Variants in PCDHGA11 observed in about 807,000 individuals in gnomAD.
The protein encoded by PCDHGA11 is protocadherin gamma subfamily A, 11.
PCDHGA11 carries 39 observed loss-of-function variants against 60.4 expected under a neutral mutation model. That is an observed-to-expected ratio of 0.65 (90% confidence interval 0.50 to 0.84). The LOEUF (loss-of-function observed/expected upper bound fraction) is 0.84. Ranked by LOEUF, PCDHGA11 falls within the 40% of genes least tolerant of loss-of-function variation. PCDHGA11 has a pLI of 0.00. For synonymous variants in PCDHGA11, 533 were observed against 510.3 expected, an observed-to-expected ratio of 1.04 and a Z score of -0.60; for missense variants, 1,165 against 1,197.7, an observed-to-expected ratio of 0.97 and a Z score of 0.40.
In PCDHGA11 at chr5:141,512,223, C is replaced by G. The variant is rs1321595614; in HGVS notation, c.*1050C>G. 6.5e-6 allele frequency: 1 copy of G among 152,728 alleles called. No individual in the cohort carries two copies. The highest frequency in any genetic ancestry group is 1.5e-5 in the Non-Finnish European group (1 of 68,110). 9.5% of individuals were successfully genotyped at this position (152,728 alleles called of 1,614,324 possible). ...CTCGAAGCAGGTTTAGGACCAGGTC[C>G]CCTTGAGAGGTCAGAGGGGCCTCTG... On this transcript the variant is annotated 3_prime_UTR_variant, in exon 4 of 4. Transcript: ENST00000398587.
At chr5:141,478,629 T>A in intron 1 of PCDHGA11, 1 of 1,553,688 alleles carries the variant, frequency 6.4e-7, no homozygotes, top group Non-Finnish European at 8.7e-7. Context: ...AGCTGTTTTT[T>A]TAGTGATGAA....
intron 1 of PCDHGA11, among the ~76,000 whole-genome samples, chr5:141,435,732 C>T (rs2097777160): frequency 6.6e-6 from 1 of 152,150 alleles, no homozygotes; most frequent in South Asian, 2.1e-4. Flanking sequence ...AAGTGTATTA[C>T]TCTTTGAAAA....
In PCDHGA11 at chr5:141,506,418, G is replaced by A. The variant is rs2099853241; in HGVS notation, c.2581+937G>A. Among the ~76,000 whole-genome samples, 3 of 141,160 alleles carry A rather than the reference G, an allele frequency of 2.1e-5. No homozygotes were observed. The South Asian group carries it at 6.6e-4, about 31-fold the overall frequency. 92.6% of individuals were successfully genotyped at this position (141,160 alleles called of 152,430 possible). The stretch of plus-strand genomic sequence containing the variant: ...CAGAAAATCGCACCACTGCACTCCA[G>A]CCTGGGCAACAGTCTCGCTCTGTCT... On this transcript the variant is annotated intron_variant, in intron 3 of 3. Coordinates refer to ENST00000398587, the MANE Select transcript of PCDHGA11 (RefSeq NM_018914.3).
At chr5:141,479,930 T>C (rs1355410974) in intron 1 of PCDHGA11, among the ~76,000 whole-genome samples, 15 of 152,218 alleles carry the variant, frequency 9.9e-5, no homozygotes, top group Non-Finnish European at 1.9e-4. Context: ...CAGTGCATCA[T>C]TGCTATCAAC....
Position 141,422,877 on chromosome 5 carries a change from C to A in PCDHGA11, c.1650C>A (p.Ser550Arg). Residue 550 changes from serine to arginine, a missense_variant, in exon 1 of 4, where the codon AGC becomes AGA. By Grantham distance (110) the Ser-to-Arg change is moderately radical. Coordinates refer to ENST00000398587, the MANE Select transcript of PCDHGA11 (RefSeq NM_018914.3). ...DPPLSSNVSL[S>R]LFVLDQNDNA... is the part of the protein sequence containing the mutation. ...CCCTCAGCAGCAACGTGTCGCTGAG[C>A]CTGTTCGTGCTGGACCAGAACGACA... 1 of 1,614,246 alleles carries A rather than the reference C, an allele frequency of 6.2e-7. No homozygotes were observed.
Position 141,422,636 on chromosome 5 carries a change from C to T in PCDHGA11, c.1409C>T (p.Ala470Val). The T allele has an allele frequency of 1.9e-6, 3 of 1,612,584 alleles. No individual in the cohort carries two copies. Among genetic ancestry groups the T allele is most frequent in the Non-Finnish European group, 2.5e-6 (3 of 1,179,182 alleles). ...AYIPENNPRGASIFSVTALDP... is the reference protein window; with the variant it reads ...AYIPENNPRGVSIFSVTALDP... ...ATTCCCGAAAACAACCCCAGGGGTGCCTCCATCTTCTCAGTGACCGCCCTC... is the reference window on the plus strand; with the variant it reads ...ATTCCCGAAAACAACCCCAGGGGTGTCTCCATCTTCTCAGTGACCGCCCTC... Residue 470 changes from alanine to valine, a missense_variant, in exon 1 of 4, where the codon GCC (alanine) becomes GTC (valine). Transcript: ENST00000398587.
chr5:141,425,528 C>T (rs2096881702), intron 1 of PCDHGA11, among the ~76,000 whole-genome samples: 1 of 152,200 alleles, frequency 6.6e-6, no homozygotes, highest in African/African-American at 2.4e-5. Context: ...AAACATGAAA[C>T]AATAATCCTT....
Position 141,491,722 on chromosome 5 carries a change from CG to C in PCDHGA11, c.2434-3082del. Reference sequence around the variant, plus strand: ...CCAGGTGAGGGGCTCGGCGCCGCCCCGGGCGACCCCTGGGGGCGGCACTGGA... The same window carrying C: ...CCAGGTGAGGGGCTCGGCGCCGCCCCGGCGACCCCTGGGGGCGGCACTGGA... On this transcript the variant is annotated intron_variant, in intron 1 of 3. Transcript: ENST00000398587. The surrounding 1 kb of genome is among the most constrained non-coding windows in gnomAD (Gnocchi z 6.9). The C allele has an allele frequency of 1.2e-6, 2 of 1,607,004 alleles. No homozygotes were observed. Among genetic ancestry groups the C allele is most frequent in the Non-Finnish European group, 1.7e-6 (2 of 1,177,148 alleles).
chr5:141,460,924 A>ATG (rs1333352687), intron 1 of PCDHGA11, among the ~76,000 whole-genome samples: 26 of 150,590 alleles, frequency 1.7e-4, no homozygotes, highest in South Asian at 6.3e-4. Flanking sequence ...ATATATATAT[A>ATG]TGTGTGTGTG....
intron 1 of PCDHGA11, among the ~76,000 whole-genome samples, chr5:141,482,207 G>T (rs983812650): frequency 6.6e-6 from 1 of 152,130 alleles, no homozygotes; most frequent in East Asian, 1.9e-4. Flanking sequence ...AAACAGACCA[G>T]GTACTTGTTT....
In PCDHGA11 at chr5:141,431,775, A is replaced by T; in HGVS notation, c.2433+8115A>T. 6.2e-7 allele frequency: 1 copy of T among 1,614,204 alleles called. No homozygotes were observed. Among genetic ancestry groups the T allele is most frequent in the Non-Finnish European group, 8.5e-7 (1 of 1,180,024 alleles). ...GCCAAAGTCCTGATCACTGTTCTGG[A>T]CGTGAACGACAATGCCCCAGAAGTG... On this transcript the variant is annotated intron_variant, in intron 1 of 3. Transcript: ENST00000398587. This position sits in a 1 kb window ranked among gnomAD's most constrained non-coding sequence, Gnocchi z 4.8.
chr5:141,488,186 G>T (rs1005725656), intron 1 of PCDHGA11, among the ~76,000 whole-genome samples: 2 of 152,180 alleles, frequency 1.3e-5, no homozygotes, highest in South Asian at 2.1e-4. Context: ...AGATCTTTTG[G>T]TCTGGGTCTT....
At chr5:141,501,423 A>G (rs1195105794) in intron 2 of PCDHGA11, among the ~76,000 whole-genome samples, 4 of 151,966 alleles carry the variant, frequency 2.6e-5, no homozygotes, top group African/African-American at 7.2e-5. Flanking sequence ...AGTTGACTAA[A>G]TGTAGTCCAT....
intron 1 of PCDHGA11, among the ~76,000 whole-genome samples, chr5:141,436,383 G>C (rs1374382672): frequency 6.6e-6 from 1 of 152,104 alleles, no homozygotes; most frequent in Admixed American, 6.5e-5. Context: ...AGCTGAATAG[G>C]CTTTATTAAA....
Position 141,477,143 on chromosome 5 carries a change from G to A in PCDHGA11, c.2434-17664G>A. Reference sequence around the variant, plus strand: ...ACATTGCAAAGTGTTGGTGGAGGTTGTGGATGTGAATGACAACGCCCCGGA... The same window carrying A: ...ACATTGCAAAGTGTTGGTGGAGGTTATGGATGTGAATGACAACGCCCCGGA... On this transcript the variant is annotated intron_variant, in intron 1 of 3. Transcript: ENST00000398587. This position sits in a 1 kb window ranked among gnomAD's most constrained non-coding sequence, Gnocchi z 4.9. 6.2e-7 allele frequency: 1 copy of A among 1,614,198 alleles called. No individual in the cohort carries two copies. Among genetic ancestry groups the A allele is most frequent in the Non-Finnish European group, 8.5e-7 (1 of 1,180,036 alleles).
Position 141,432,623 on chromosome 5 carries a change from C to T in PCDHGA11, c.2433+8963C>T, listed in dbSNP as rs1047752183. Reference sequence around the variant, plus strand: ...GCCGGGACTCTTCTCGGTGGGTCTGCACACGGGCGAGGTGCGCACGGCGCG... The same window carrying T: ...GCCGGGACTCTTCTCGGTGGGTCTGTACACGGGCGAGGTGCGCACGGCGCG... On this transcript the variant is annotated intron_variant, in intron 1 of 3. Coordinates refer to ENST00000398587, the MANE Select transcript of PCDHGA11 (RefSeq NM_018914.3). The surrounding 1 kb of genome is among the most constrained non-coding windows in gnomAD (Gnocchi z 6.0). The T allele has an allele frequency of 1.2e-6, 2 of 1,613,196 alleles. No homozygotes were observed. The highest frequency in any genetic ancestry group is 2.2e-5 in the East Asian group (1 of 44,792).
Position 141,489,084 on chromosome 5 carries a change from C to CCG in PCDHGA11, c.2434-5723_2434-5722insCG. On this transcript the variant is annotated intron_variant, in intron 1 of 3. Coordinates refer to ENST00000398587, the MANE Select transcript of PCDHGA11 (RefSeq NM_018914.3). The surrounding 1 kb of genome is among the most constrained non-coding windows in gnomAD (Gnocchi z 4.5). ...CTCCCCCCTGCCCACCCCCGCCACT[C>CCG]GGTGACTAAGAACTGCTGCAAGCAG... 9.1e-6 allele frequency: 3 copies of CCG among 329,130 alleles called. No individual in the cohort carries two copies. The highest frequency in any genetic ancestry group is 5.4e-6 in the Non-Finnish European group (1 of 186,464). The allele number at this position is 329,130 out of a possible 1,614,324, so 20.4% of individuals were successfully genotyped here. A position where few individuals can be genotyped will look rare whatever the true frequency, so the allele number is the denominator to read the frequency against.
At position 141,489,963 on chromosome 5, in the gene PCDHGA11, C is replaced by A. The variant is rs779260164; in HGVS notation, c.2434-4844C>A. On this transcript the variant is annotated intron_variant, in intron 1 of 3. Coordinates refer to ENST00000398587, the MANE Select transcript of PCDHGA11 (RefSeq NM_018914.3). This position sits in a 1 kb window ranked among gnomAD's most constrained non-coding sequence, Gnocchi z 4.5. Reference sequence around the variant, plus strand: ...TGGACATCAATGATAATGCTCCAACCTTCCAATCCTCAGTTCTACGTGTGG... The same window carrying A: ...TGGACATCAATGATAATGCTCCAACATTCCAATCCTCAGTTCTACGTGTGG... The A allele has an allele frequency of 8.1e-6, 13 of 1,614,184 alleles. No homozygotes were observed. In the East Asian group the frequency reaches 2.2e-4, roughly 28 times the overall value.
intron 1 of PCDHGA11, among the ~76,000 whole-genome samples, chr5:141,457,938 G>A (rs915640623): frequency 6.6e-6 from 1 of 152,160 alleles, no homozygotes; most frequent in African/African-American, 2.4e-5. Flanking sequence ...GCTTTTATTG[G>A]CTCTGCATGT....
Sources: gnomAD v4.1 joint callset for allele counts (sites outside exome capture counted in the v4.1 genomes callset) on GRCh38, gnomAD v4.1.1 for gene constraint, Gnocchi (gnomAD v3.1) non-coding constraint, MANE v1.5 for transcripts, NCBI Gene and HGNC (gene_info 2026-07-23, HGNC 2026-07-21) for gene names.